MTCL2: variants seen among roughly 807,000 people sequenced by gnomAD.
MTCL2 encodes the protein microtubule cross-linking factor 2.
the MTCL2 span, among the ~76,000 whole-genome samples, chr20:36,810,467 G>A: frequency 1.3e-5 from 2 of 152,164 alleles, no homozygotes; most frequent in Non-Finnish European, 2.9e-5. Context: ...GGACTTAAAA[G>A]ATGCTTAATG....
At chr20:36,789,752 C>G in the MTCL2 span, among the ~76,000 whole-genome samples, 1 of 152,122 alleles carries the variant, frequency 6.6e-6, no homozygotes, top group Non-Finnish European at 1.5e-5. Flanking sequence ...TACTCTCCCT[C>G]AAGTAAGAGA....
chr20:36,786,718 G>T, the MTCL2 span: 1 of 1,330,042 alleles, frequency 7.5e-7, no homozygotes, highest in Non-Finnish European at 1.0e-6. Context: ...GGTATGCCAG[G>T]CAAGGAACTG....
the MTCL2 span, among the ~76,000 whole-genome samples, chr20:36,851,762 C>A: frequency 1.3e-5 from 2 of 152,200 alleles, no homozygotes; most frequent in Non-Finnish European, 2.9e-5. Flanking sequence ...GTCTCTACCA[C>A]CAGGATGTGA....
chr20:36,780,853 A>C, the MTCL2 span: 1 of 152,188 alleles, frequency 6.6e-6, no homozygotes, highest in African/African-American at 2.4e-5. Context: ...TGACTCACCA[A>C]CTGGCTCAGT....
chr20:36,850,137 G>T, the MTCL2 span, among the ~76,000 whole-genome samples: 1 of 152,134 alleles, frequency 6.6e-6, no homozygotes, highest in Non-Finnish European at 1.5e-5. Context: ...CATATGCCAA[G>T]GCTGGCTCAG....
the MTCL2 span, chr20:36,786,538 G>C: frequency 6.4e-7 from 1 of 1,551,026 alleles, no homozygotes; most frequent in Non-Finnish European, 8.7e-7. Flanking sequence ...GACTCTGAAG[G>C]GTGCAGCCTG....
chr20:36,807,954 C>T, the MTCL2 span, among the ~76,000 whole-genome samples: 1 of 140,314 alleles, frequency 7.1e-6, no homozygotes, highest in Non-Finnish European at 1.5e-5. Flanking sequence ...AGGCTCACTG[C>T]AAGCTCCGCC....
the MTCL2 span, chr20:36,782,161 C>G: frequency 1.3e-5 from 2 of 152,182 alleles, no homozygotes; most frequent in Non-Finnish European, 1.5e-5. Context: ...GTTAAACATG[C>G]AAATTCAAGG....
At chr20:36,812,790 G>C in the MTCL2 span, 1 of 1,613,688 alleles carries the variant, frequency 6.2e-7, no homozygotes, top group Non-Finnish European at 8.5e-7. Context: ...TCACCAGTGC[G>C]GAAAGCCTCT....
At chr20:36,784,040 G>A in the MTCL2 span, 11 of 985,482 alleles carry the variant, frequency 1.1e-5, no homozygotes, top group Non-Finnish European at 1.3e-5. Context: ...GGACAATCCT[G>A]GACGGTACGA....
the MTCL2 span, chr20:36,812,627 A>G: frequency 6.4e-7 from 1 of 1,567,280 alleles, no homozygotes; most frequent in Non-Finnish European, 8.7e-7. Flanking sequence ...TAAGTGATAT[A>G]TGGACCACTC....
At chr20:36,854,109 C>A in the MTCL2 span, among the ~76,000 whole-genome samples, 11 of 152,194 alleles carry the variant, frequency 7.2e-5, no homozygotes, top group Non-Finnish European at 1.3e-4. Flanking sequence ...GCACTTCACA[C>A]CCCTGCCATT....
At chr20:36,781,637 G>C in the MTCL2 span, 1 of 151,414 alleles carries the variant, frequency 6.6e-6, no homozygotes, top group African/African-American at 2.4e-5. Context: ...CTTGAGCCCA[G>C]GAGTTTGAAA....
At chr20:36,821,061 A>T in the MTCL2 span, among the ~76,000 whole-genome samples, 34 of 152,344 alleles carry the variant, frequency 2.2e-4, no homozygotes, top group African/African-American at 8.2e-4. Context: ...TTCAAAAAGG[A>T]CATAGAAGAA....
the MTCL2 span, chr20:36,793,988 A>G: frequency 6.4e-7 from 1 of 1,551,454 alleles, no homozygotes; most frequent in Middle Eastern, 1.7e-4. This position sits in a 1 kb window ranked among gnomAD's most constrained non-coding sequence, Gnocchi z 6.8. Flanking sequence ...TGTGCTCTTC[A>G]CTTTCCTCTC....
At chr20:36,841,429 A>G in the MTCL2 span, among the ~76,000 whole-genome samples, 1 of 151,602 alleles carries the variant, frequency 6.6e-6, no homozygotes, top group Non-Finnish European at 1.5e-5. Context: ...GGGGGGTGCT[A>G]TGTTAGGGGA....
chr20:36,857,851 C>A, the MTCL2 span, among the ~76,000 whole-genome samples: 3 of 152,158 alleles, frequency 2.0e-5, no homozygotes, highest in Non-Finnish European at 4.4e-5. Flanking sequence ...ATGACTGGGA[C>A]ACACTAACAC....
At chr20:36,857,672 C>T in the MTCL2 span, among the ~76,000 whole-genome samples, 3 of 152,128 alleles carry the variant, frequency 2.0e-5, no homozygotes, top group Admixed American at 6.5e-5. Flanking sequence ...GACTAGAGTC[C>T]TCCCCCTGTA....
the MTCL2 span, among the ~76,000 whole-genome samples, chr20:36,821,367 CA>C: frequency 3.4e-4 from 49 of 145,064 alleles, no homozygotes; most frequent in Non-Finnish European, 4.1e-4. Flanking sequence ...ACTAAAAATA[CA>C]AAAAAAAAAA....
Sources: gnomAD v4.1 joint callset for allele counts (sites outside exome capture counted in the v4.1 genomes callset) on GRCh38, gnomAD v4.1.1 for gene constraint, Gnocchi (gnomAD v3.1) non-coding constraint, MANE v1.5 for transcripts, NCBI Gene and HGNC (gene_info 2026-07-23, HGNC 2026-07-21) for gene names.